The following CDH12 variants were observed in gnomAD, a reference collection of about 807,000 sequenced individuals.
CDH12 encodes the protein cadherin 12.
In CDH12, 41 loss-of-function variants were observed where a neutral mutation model predicts 74.1. That is an observed-to-expected ratio of 0.55 (90% CI 0.43 to 0.72). CDH12 has a LOEUF of 0.72. Among genes scored for constraint, CDH12 ranks in the 30% least tolerant of loss-of-function variants. The probability of loss-of-function intolerance (pLI) is 0.00; values close to 1 mark genes in which losing one functional copy is unlikely to be tolerated. For synonymous variants in CDH12, 399 were observed against 355.0 expected (o/e 1.12, Z -1.39); for missense variants, 945 against 977.2 (o/e 0.97, Z 0.44).
chr5:22,580,366 A>C, intron 1 of CDH12: 1 of 470,168 alleles, frequency 2.1e-6, no homozygotes, highest in South Asian at 1.6e-5. Flanking sequence ...CTGAAAATGC[A>C]CACCAAGTGC....
intron 6 of CDH12, among the ~76,000 whole-genome samples, chr5:21,891,172 A>G (rs1471106884): frequency 1.3e-5 from 2 of 152,080 alleles, no homozygotes; most frequent in Non-Finnish European, 2.9e-5. Context: ...ATTTGCAATC[A>G]ATTATCTAAG....
At chr5:22,678,085 G>C (rs1741307447) in intron 1 of CDH12, among the ~76,000 whole-genome samples, 1 of 151,144 alleles carries the variant, frequency 6.6e-6, no homozygotes, top group East Asian at 1.9e-4. Flanking sequence ...TTTTGGGAAA[G>C]ATGCAAAAAT....
intron 3 of CDH12, among the ~76,000 whole-genome samples, chr5:22,238,684 A>C (rs989700927): frequency 2.6e-5 from 4 of 152,236 alleles, no homozygotes; most frequent in African/African-American, 9.6e-5. Context: ...TGTTAAAGTC[A>C]ACATGGCTAT....
At chr5:22,010,019 G>T (rs542951674) in intron 5 of CDH12, among the ~76,000 whole-genome samples, 1 of 151,334 alleles carries the variant, frequency 6.6e-6, no homozygotes, top group Non-Finnish European at 1.5e-5. Flanking sequence ...CTAGTTTCTC[G>T]TTTTAAGAGA....
chr5:21,765,800 T>A (rs17261646), intron 11 of CDH12, among the ~76,000 whole-genome samples: 4,346 of 152,192 alleles, frequency 0.029, 78 homozygotes, highest in Middle Eastern at 0.058. Context: ...TATGGATTAT[T>A]ATCTGGATCT....
At chr5:21,978,384 C>A (rs190559659) in intron 5 of CDH12, among the ~76,000 whole-genome samples, 395 of 152,244 alleles carry the variant, frequency 2.6e-3, no homozygotes, top group African/African-American at 8.7e-3. Context: ...CTCAAATAAT[C>A]CGCCCGCCTC....
chr5:22,020,558 A>C (rs1376419844), intron 5 of CDH12, among the ~76,000 whole-genome samples: 2 of 151,384 alleles, frequency 1.3e-5, no homozygotes, highest in African/African-American at 2.4e-5. Context: ...TCGTTTCAAA[A>C]AAAAAAAAAA....
intron 1 of CDH12, among the ~76,000 whole-genome samples, chr5:22,690,000 T>G (rs978374893): frequency 6.6e-6 from 1 of 152,116 alleles, no homozygotes; most frequent in African/African-American, 2.4e-5. Context: ...CACCTGGTTT[T>G]CAAAGATAGT....
intron 5 of CDH12, among the ~76,000 whole-genome samples, chr5:22,008,566 C>T (rs994575866): frequency 6.6e-6 from 1 of 152,114 alleles, no homozygotes; most frequent in Non-Finnish European, 1.5e-5. Context: ...TATGAAGACC[C>T]TCAAGTTTCA....
intron 4 of CDH12, among the ~76,000 whole-genome samples, chr5:22,163,480 A>C (rs772871685): frequency 6.6e-6 from 1 of 152,236 alleles, no homozygotes; most frequent in Non-Finnish European, 1.5e-5. Flanking sequence ...ATCTATTTGT[A>C]GTCTTACCCA....
chr5:22,362,853 T>C (rs1176446673), intron 3 of CDH12, among the ~76,000 whole-genome samples: 1 of 147,152 alleles, frequency 6.8e-6, no homozygotes, highest in East Asian at 2.0e-4. Context: ...ACACCGCATG[T>C]TCTCACTCAT....
At chr5:22,341,687 G>A (rs1475722052) in intron 3 of CDH12, among the ~76,000 whole-genome samples, 1 of 152,096 alleles carries the variant, frequency 6.6e-6, no homozygotes, top group Non-Finnish European at 1.5e-5. Flanking sequence ...TCAGGCAGAA[G>A]TTGTTTTAGT....
intron 2 of CDH12, among the ~76,000 whole-genome samples, chr5:22,479,541 G>A (rs1746301490): frequency 1.3e-5 from 2 of 152,214 alleles, no homozygotes. Context: ...TTTGCAGGGT[G>A]AGGGAGGGCT....
chr5:21,831,347 C>T (rs1004608615), intron 8 of CDH12, among the ~76,000 whole-genome samples: 13 of 152,106 alleles, frequency 8.5e-5, no homozygotes, highest in Non-Finnish European at 1.8e-4. Context: ...CTTTTTCTTT[C>T]AGTTTCCTCT....
chr5:22,283,251 T>TATATACACAC, intron 3 of CDH12, among the ~76,000 whole-genome samples: 1 of 102,064 alleles, frequency 9.8e-6, no homozygotes, highest in African/African-American at 4.1e-5. Context: ...TATATATATA[T>TATATACACAC]ACACACACAC....
At chr5:21,945,427 CAAAAAAA>C (rs1167475672) in intron 6 of CDH12, among the ~76,000 whole-genome samples, 46 of 15,494 alleles carry the variant, frequency 3.0e-3, no homozygotes, top group Non-Finnish European at 3.8e-3. Context: ...CTGTTTCAGA[CAAAAAAA>C]AAAAAAAAAA....
chr5:22,630,092 T>C (rs1383779738), intron 1 of CDH12, among the ~76,000 whole-genome samples: 2 of 151,958 alleles, frequency 1.3e-5, no homozygotes, highest in African/African-American at 4.8e-5. Context: ...AACACACTGC[T>C]CAAAGAAATC....
chr5:21,851,398 T>C (rs1342862185), intron 7 of CDH12, among the ~76,000 whole-genome samples: 5 of 150,834 alleles, frequency 3.3e-5, no homozygotes, highest in African/African-American at 9.7e-5. Flanking sequence ...ATATTTTTGC[T>C]CTTGTTTAAT....
intron 3 of CDH12, among the ~76,000 whole-genome samples, chr5:22,319,281 T>C (rs777590404): frequency 5.3e-5 from 8 of 151,976 alleles, no homozygotes; most frequent in Admixed American, 1.3e-4. Flanking sequence ...AAGAATAGAG[T>C]GCAGCAGAAG....
Sources: allele counts gnomAD v4.1 joint callset (sites outside exome capture counted in the v4.1 genomes callset), GRCh38; gene constraint gnomAD v4.1.1; transcripts MANE v1.5; gene names NCBI Gene and HGNC (gene_info 2026-07-23, HGNC 2026-07-21).